CNTN3: variants seen among roughly 807,000 people sequenced by gnomAD.
CNTN3 encodes contactin 3, also known as contactin-3.
Under a neutral mutation model 119.1 loss-of-function variants are expected in CNTN3, and 60 were observed. That is an observed-to-expected ratio of 0.50 (90% CI 0.41 to 0.62). The LOEUF (loss-of-function observed/expected upper bound fraction) is 0.62, where lower values mean the gene tolerates loss of function less well. Among genes scored for constraint, CNTN3 ranks in the 20% least tolerant of loss-of-function variants. CNTN3 has a pLI of 0.00. For synonymous variants in CNTN3, 450 were observed against 438.7 expected, an observed-to-expected ratio of 1.03 and a Z score of -0.32; for missense variants, 1,101 against 1,242.4, an observed-to-expected ratio of 0.89 and a Z score of 1.71.
chr3:74,547,800 T>C (rs1052558549), intron 1 of CNTN3, among the ~76,000 whole-genome samples: 1 of 152,182 alleles, frequency 6.6e-6, no homozygotes, highest in African/African-American at 2.4e-5. Context: ...CTCCATATGA[T>C]AGCTTTTAAG....
intron 20 of CNTN3, among the ~76,000 whole-genome samples, chr3:74,276,671 T>TA (rs1389339406): frequency 1.3e-4 from 19 of 151,400 alleles, no homozygotes; most frequent in Non-Finnish European, 1.5e-5. Flanking sequence ...AAAACCGACA[T>TA]AAAAAAGACT....
chr3:74,609,029 A>T (rs1004261352), intron 1 of CNTN3, among the ~76,000 whole-genome samples: 4 of 152,126 alleles, frequency 2.6e-5, no homozygotes, highest in Admixed American at 1.3e-4. Context: ...AACAACAAAG[A>T]ATTGAGGGTG....
At chr3:74,410,318 T>C (rs1373051821) in intron 5 of CNTN3, among the ~76,000 whole-genome samples, 1 of 152,164 alleles carries the variant, frequency 6.6e-6, no homozygotes, top group Non-Finnish European at 1.5e-5. Flanking sequence ...TTACTAGCAC[T>C]GGATTAAGAA....
At chr3:74,474,113 G>A (rs886574674) in intron 4 of CNTN3, among the ~76,000 whole-genome samples, 4 of 152,146 alleles carry the variant, frequency 2.6e-5, no homozygotes, top group African/African-American at 9.7e-5. Flanking sequence ...CACGGGGGAG[G>A]TGAGAGGCGA....
At chr3:74,542,254 C>G (rs1440812041) in intron 1 of CNTN3, among the ~76,000 whole-genome samples, 1 of 152,018 alleles carries the variant, frequency 6.6e-6, no homozygotes, top group Non-Finnish European at 1.5e-5. Context: ...ATACTCTAGC[C>G]TCTTCAGAGG....
intron 5 of CNTN3, among the ~76,000 whole-genome samples, chr3:74,383,074 T>G (rs566519536): frequency 2.3e-3 from 346 of 152,304 alleles, no homozygotes; most frequent in Non-Finnish European, 4.0e-3. Flanking sequence ...TTTCACAATT[T>G]CCACTACTTG....
At chr3:74,333,581 G>A (rs1334237539) in intron 13 of CNTN3, among the ~76,000 whole-genome samples, 1 of 152,248 alleles carries the variant, frequency 6.6e-6, no homozygotes, top group Non-Finnish European at 1.5e-5. Flanking sequence ...AAGGACAACA[G>A]TTATACTGAA....
intron 4 of CNTN3, among the ~76,000 whole-genome samples, chr3:74,474,124 G>T (rs1702612828): frequency 6.6e-6 from 1 of 152,142 alleles, no homozygotes; most frequent in Admixed American, 6.5e-5. Flanking sequence ...TGAGAGGCGA[G>T]CTGACTCTCA....
At chr3:74,549,796 G>A (rs375818612) in intron 1 of CNTN3, among the ~76,000 whole-genome samples, 17 of 152,270 alleles carry the variant, frequency 1.1e-4, no homozygotes, top group African/African-American at 4.1e-4. Context: ...CCTGACAGAC[G>A]CTATGGTATT....
intron 2 of CNTN3, among the ~76,000 whole-genome samples, chr3:74,502,179 T>C (rs1703177880): frequency 6.6e-6 from 1 of 152,062 alleles, no homozygotes; most frequent in African/African-American, 2.4e-5. Context: ...TTGAAAGCAA[T>C]AATGCATTAA....
chr3:74,444,466 G>A (rs571153723), intron 4 of CNTN3, among the ~76,000 whole-genome samples: 1 of 152,198 alleles, frequency 6.6e-6, no homozygotes, highest in African/African-American at 2.4e-5. Flanking sequence ...AGAAAGCTAT[G>A]GGAAAGGCTT....
intron 13 of CNTN3, among the ~76,000 whole-genome samples, chr3:74,317,888 T>A (rs1237812682): frequency 6.6e-6 from 1 of 152,222 alleles, no homozygotes; most frequent in Non-Finnish European, 1.5e-5. Flanking sequence ...TTGGCTTGCC[T>A]TGCTAGATTG....
At chr3:74,491,178 T>TA (rs1431026883) in intron 3 of CNTN3, among the ~76,000 whole-genome samples, 1 of 152,150 alleles carries the variant, frequency 6.6e-6, no homozygotes, top group Non-Finnish European at 1.5e-5. Flanking sequence ...GATTTCTAAG[T>TA]ATGTCTAGTA....
chr3:74,309,334 A>T (rs747383288), intron 13 of CNTN3, among the ~76,000 whole-genome samples: 2 of 152,094 alleles, frequency 1.3e-5, no homozygotes, highest in Non-Finnish European at 2.9e-5. Flanking sequence ...TGAACTCCTG[A>T]CCTCAAGTGA....
chr3:74,594,227 A>G (rs1424456216), intron 1 of CNTN3, among the ~76,000 whole-genome samples: 1 of 149,708 alleles, frequency 6.7e-6, no homozygotes, highest in African/African-American at 2.5e-5. Flanking sequence ...GCACTATTAA[A>G]CACATAGTAC....
At chr3:74,462,285 G>C (rs1702384647) in intron 4 of CNTN3, among the ~76,000 whole-genome samples, 1 of 151,946 alleles carries the variant, frequency 6.6e-6, no homozygotes, top group Non-Finnish European at 1.5e-5. Flanking sequence ...TACTGTCTCA[G>C]GTATTTCCTT....
chr3:74,273,055 C>T (rs992733982), intron 20 of CNTN3, among the ~76,000 whole-genome samples: 1 of 151,932 alleles, frequency 6.6e-6, no homozygotes, highest in Non-Finnish European at 1.5e-5. Flanking sequence ...ATAGGTGGAT[C>T]ACATATGAAA....
chr3:74,564,295 G>A (rs528369623), intron 1 of CNTN3, among the ~76,000 whole-genome samples: 2 of 152,194 alleles, frequency 1.3e-5, no homozygotes, highest in South Asian at 4.2e-4. Flanking sequence ...GGTGGAGGAG[G>A]TTTGGACCAA....
chr3:74,351,323 A>T lies in CNTN3; in HGVS notation c.1364+10567T>A, dbSNP rs192235004. ...CAGGAAACCTTGGGTTTATCTGCCT[A>T]TCAGGGAAACCAATCTCTTTAACTC... On this transcript the variant is annotated intron_variant, in intron 11 of 22. Transcript: ENST00000263665. Among the ~76,000 whole-genome samples, 14 of 152,320 alleles carry T rather than the reference A, an allele frequency of 9.2e-5. No individual in the cohort carries two copies. In the East Asian group the frequency reaches 2.7e-3, roughly 29 times the overall value.
Sources: allele counts gnomAD v4.1 joint callset (sites outside exome capture counted in the v4.1 genomes callset), GRCh38; gene constraint gnomAD v4.1.1; transcripts MANE v1.5; gene names NCBI Gene and HGNC (gene_info 2026-07-23, HGNC 2026-07-21).